The following ATAD1 variants were observed in gnomAD, a reference collection of about 807,000 sequenced individuals.
ATAD1 encodes ATPase family AAA domain containing 1.
A neutral mutation model predicts 42.7 loss-of-function variants in ATAD1; 18 were observed. The observed-to-expected ratio is 0.42, with a 90% CI of 0.29 to 0.63. The LOEUF (loss-of-function observed/expected upper bound fraction) is 0.63, where lower values mean the gene tolerates loss of function less well. Among genes scored for constraint, ATAD1 ranks in the 20% least tolerant of loss-of-function variants. The probability of loss-of-function intolerance (pLI) is 0.19; values close to 1 mark genes in which losing one functional copy is unlikely to be tolerated. For missense variants in ATAD1, 294 were observed against 440.4 expected (o/e 0.67, Z 2.98); for synonymous variants, 132 against 143.1 (o/e 0.92, Z 0.55).
At chr10:87,811,224 T>C (rs1223365185) in intron 2 of ATAD1, among the ~76,000 whole-genome samples, 3 of 151,974 alleles carry the variant, frequency 2.0e-5, no homozygotes, top group Non-Finnish European at 4.4e-5. Flanking sequence ...TCCCAGCTAC[T>C]CCGGAGGCTG....
chr10:87,830,320 T>C (rs968613706), intron 1 of ATAD1, among the ~76,000 whole-genome samples: 4 of 152,238 alleles, frequency 2.6e-5, no homozygotes, highest in Admixed American at 6.5e-5. Context: ...GAAGATTCTT[T>C]TCTGCTTTAT....
At chr10:87,809,139 C>T (rs139463052) in intron 2 of ATAD1, among the ~76,000 whole-genome samples, 2,060 of 152,128 alleles carry the variant, frequency 0.014, 40 homozygotes, top group Middle Eastern at 0.078. Flanking sequence ...TAAGGGTTTA[C>T]CCATACCTAA....
chr10:87,764,689 C>CTGAA (rs1366472887), intron 8 of ATAD1, among the ~76,000 whole-genome samples: 20 of 152,256 alleles, frequency 1.3e-4, no homozygotes, highest in African/African-American at 4.8e-4. Context: ...CCCCACCACC[C>CTGAA]TGAACCTCAT....
chr10:87,839,054 C>T (rs1297092477), intron 1 of ATAD1, among the ~76,000 whole-genome samples: 1 of 152,088 alleles, frequency 6.6e-6, no homozygotes, highest in Admixed American at 6.5e-5. Context: ...ATGTTTTCTG[C>T]AAGATTTATA....
chr10:87,836,893 T>C (rs921122683), intron 1 of ATAD1, among the ~76,000 whole-genome samples: 15 of 152,246 alleles, frequency 9.9e-5, no homozygotes, highest in Admixed American at 5.9e-4. Flanking sequence ...ATTGTTCACA[T>C]TGGATAATTT....
upstream of ATAD1, among the ~76,000 whole-genome samples, chr10:87,820,802 A>G (rs1857618595): frequency 6.6e-6 from 1 of 152,220 alleles, no homozygotes; most frequent in African/African-American, 2.4e-5. Flanking sequence ...CATCAAGTAC[A>G]TTCATTTTCA....
intron 8 of ATAD1, among the ~76,000 whole-genome samples, chr10:87,757,285 A>C (rs1329207352): frequency 1.3e-5 from 2 of 151,448 alleles, no homozygotes; most frequent in Non-Finnish European, 2.9e-5. Context: ...AAAAAAAAAA[A>C]AACAAAACAC....
chr10:87,798,338 G>A (rs1442034075), intron 2 of ATAD1, among the ~76,000 whole-genome samples: 1 of 152,140 alleles, frequency 6.6e-6, no homozygotes, highest in East Asian at 1.9e-4. Flanking sequence ...GCACTCCGTA[G>A]GTTTTATGGC....
In ATAD1 at chr10:87,823,626, A is replaced by G. The variant is rs558892220; in HGVS notation, c.-13-9014T>C. ...AAATGCATTAGTTAAAATAGAAGAA[A>G]CAATAGTTGAAATGTTAATTCTCAA... On this transcript the variant is annotated intron_variant, in intron 1 of 4. Transcript: ENST00000495903. Among the ~76,000 whole-genome samples, 17 of 152,304 alleles carry G rather than the reference A, an allele frequency of 1.1e-4. No homozygotes were observed. In the East Asian group the frequency reaches 2.9e-3, roughly 26 times the overall value.
intron 5 of ATAD1, among the ~76,000 whole-genome samples, chr10:87,782,971 C>T (rs1272830542): frequency 1.3e-5 from 2 of 150,956 alleles, no homozygotes; most frequent in Non-Finnish European, 2.9e-5. Context: ...GCAATCCAGC[C>T]ATGACAGAGC....
intron 1 of ATAD1, among the ~76,000 whole-genome samples, chr10:87,834,886 A>G (rs1266096378): frequency 6.6e-6 from 1 of 151,948 alleles, no homozygotes; most frequent in African/African-American, 2.4e-5. Flanking sequence ...TTTAATGTCA[A>G]TATTTCATGT....
chr10:87,782,246 T>C (rs1476361735), intron 5 of ATAD1, among the ~76,000 whole-genome samples: 3 of 152,362 alleles, frequency 2.0e-5, no homozygotes, highest in South Asian at 2.1e-4. Flanking sequence ...AGACGCTGAA[T>C]GTGATTCTGT....
intron 1 of ATAD1, among the ~76,000 whole-genome samples, chr10:87,836,948 T>C (rs1404941427): frequency 6.6e-6 from 1 of 152,240 alleles, no homozygotes; most frequent in African/African-American, 2.4e-5. Context: ...CTCTCTCATC[T>C]CCATTCTGTA....
intron 8 of ATAD1, among the ~76,000 whole-genome samples, chr10:87,767,122 G>T (rs1486486241): frequency 6.6e-6 from 1 of 152,118 alleles, no homozygotes; most frequent in African/African-American, 2.4e-5. Context: ...AAATATCAGA[G>T]CATTTTAATG....
chr10:87,832,348 T>G (rs1857847930), intron 1 of ATAD1: 1 of 151,766 alleles, frequency 6.6e-6, no homozygotes, highest in South Asian at 2.1e-4. Flanking sequence ...GGGCCATAAC[T>G]GTACCATTGC....
chr10:87,826,330 T>G (rs1025093076), intron 1 of ATAD1, among the ~76,000 whole-genome samples: 1 of 152,256 alleles, frequency 6.6e-6, no homozygotes, highest in African/African-American at 2.4e-5. Flanking sequence ...TGCTGCTTAT[T>G]CAGTTGAAAT....
intron 2 of ATAD1, among the ~76,000 whole-genome samples, chr10:87,809,803 C>T (rs528837283): frequency 5.1e-4 from 78 of 152,052 alleles, no homozygotes; most frequent in Admixed American, 5.0e-3. Context: ...CATGCCACCA[C>T]GCCCGGCTAA....
chr10:87,779,478 A>T (rs1855470309), intron 5 of ATAD1, among the ~76,000 whole-genome samples: 1 of 152,214 alleles, frequency 6.6e-6, no homozygotes, highest in East Asian at 1.9e-4. Context: ...CAACAATAAG[A>T]TAATAACCTA....
Position 87,838,017 on chromosome 10 carries a change from CTCTG to C in ATAD1, c.-14+3166_-14+3169del, listed in dbSNP as rs201630536. Among the ~76,000 whole-genome samples, 181 of 152,296 alleles carry C rather than the reference CTCTG, an allele frequency of 1.2e-3. 2 individuals are homozygous for C. The East Asian group carries it at 0.025, about 21-fold the overall frequency. On this transcript the variant is annotated intron_variant, in intron 1 of 4. Transcript: ENST00000495903. ...CAGAACTAGAGGGCTTCTCCTGGGG[CTCTG>C]TCTGTCTGTGCGTATTCTGAGTTTC...
Sources: allele counts gnomAD v4.1 joint callset (sites outside exome capture counted in the v4.1 genomes callset), GRCh38; gene constraint gnomAD v4.1.1; transcripts MANE v1.5; gene names NCBI Gene and HGNC (gene_info 2026-07-23, HGNC 2026-07-21).